ARB2A: variants seen among roughly 807,000 people sequenced by gnomAD.
ARB2A encodes cotranscriptional regulator ARB2A.
chr5:93,779,956 G>A, the ARB2A span, among the ~76,000 whole-genome samples: 1 of 152,068 alleles, frequency 6.6e-6, no homozygotes, highest in African/African-American at 2.4e-5. Context: ...TTCAGAGTAG[G>A]TTTGAAATAA....
chr5:94,025,318 A>G, the ARB2A span, among the ~76,000 whole-genome samples: 1 of 152,202 alleles, frequency 6.6e-6, no homozygotes, highest in African/African-American at 2.4e-5. Flanking sequence ...TGGCTAATGG[A>G]TGGCTGCCTT....
the ARB2A span, among the ~76,000 whole-genome samples, chr5:93,856,699 G>GT: frequency 6.6e-6 from 1 of 151,972 alleles, no homozygotes; most frequent in Non-Finnish European, 1.5e-5. Flanking sequence ...TTTTTTCAAA[G>GT]TTTTTAACTT....
the ARB2A span, among the ~76,000 whole-genome samples, chr5:93,844,086 T>C: frequency 7.3e-6 from 1 of 137,660 alleles, no homozygotes; most frequent in Non-Finnish European, 1.6e-5. Flanking sequence ...GACTTTTCAA[T>C]AGCAACAGAG....
At chr5:93,881,621 T>C in the ARB2A span, 4 of 1,607,142 alleles carry the variant, frequency 2.5e-6, no homozygotes, top group Non-Finnish European at 3.4e-6. Context: ...TGACTGTACG[T>C]GTATCTTCGG....
chr5:93,689,868 A>G, the ARB2A span, among the ~76,000 whole-genome samples: 17 of 151,864 alleles, frequency 1.1e-4, no homozygotes, highest in African/African-American at 4.1e-4. Context: ...AGCTTATCTC[A>G]CTGGAACTGG....
the ARB2A span, among the ~76,000 whole-genome samples, chr5:93,785,665 C>G: frequency 1.3e-5 from 2 of 152,170 alleles, no homozygotes; most frequent in Non-Finnish European, 2.9e-5. Context: ...ACCCAACTCA[C>G]TGTTAATGCT....
the ARB2A span, among the ~76,000 whole-genome samples, chr5:93,964,120 T>C: frequency 2.0e-5 from 3 of 152,024 alleles, no homozygotes; most frequent in Non-Finnish European, 4.4e-5. Flanking sequence ...TAACAAAAAC[T>C]GCACTGGTTT....
At chr5:93,682,553 T>C in the ARB2A span, among the ~76,000 whole-genome samples, 2 of 152,028 alleles carry the variant, frequency 1.3e-5, no homozygotes, top group East Asian at 3.8e-4. Flanking sequence ...ATTTCACATG[T>C]ATATTTTTGT....
chr5:94,078,018 A>G, the ARB2A span, among the ~76,000 whole-genome samples: 2 of 152,208 alleles, frequency 1.3e-5, no homozygotes, highest in African/African-American at 4.8e-5. Context: ...ACAGTAGAAT[A>G]CTTCTTATTT....
At chr5:93,758,176 C>T in the ARB2A span, among the ~76,000 whole-genome samples, 1 of 152,104 alleles carries the variant, frequency 6.6e-6, no homozygotes, top group Non-Finnish European at 1.5e-5. Flanking sequence ...GGTAAAAGGC[C>T]TTGTCCAACA....
At chr5:93,716,693 CAAAAAAA>C in the ARB2A span, among the ~76,000 whole-genome samples, 48 of 36,688 alleles carry the variant, frequency 1.3e-3, no homozygotes, top group Admixed American at 7.7e-3. Flanking sequence ...ATAAGCTGTG[CAAAAAAA>C]AAAAAAAAAA....
the ARB2A span, among the ~76,000 whole-genome samples, chr5:94,046,464 C>T: frequency 1.3e-4 from 20 of 152,076 alleles, no homozygotes; most frequent in African/African-American, 4.8e-4. Flanking sequence ...GGGGGGATAA[C>T]CTTGGAACTC....
chr5:94,083,657 A>C, the ARB2A span, among the ~76,000 whole-genome samples: 21 of 152,168 alleles, frequency 1.4e-4, no homozygotes, highest in Non-Finnish European at 2.5e-4. Flanking sequence ...CCACTTTACT[A>C]TTACCACTTC....
the ARB2A span, among the ~76,000 whole-genome samples, chr5:93,680,029 A>G: frequency 1.3e-5 from 2 of 152,124 alleles, no homozygotes; most frequent in Non-Finnish European, 2.9e-5. Flanking sequence ...ACAGTCCTTA[A>G]AAGTAAAGAC....
the ARB2A span, chr5:93,741,612 A>G: frequency 2.1e-6 from 3 of 1,451,960 alleles, no homozygotes; most frequent in South Asian, 4.4e-5. Context: ...ATGGCCCTCG[A>G]GGCTTCAGAA....
At chr5:93,966,561 G>A in the ARB2A span, among the ~76,000 whole-genome samples, 6 of 152,032 alleles carry the variant, frequency 3.9e-5, no homozygotes, top group Non-Finnish European at 2.9e-5. Context: ...GTAAGAGTTG[G>A]AGAAACACTA....
At chr5:93,971,032 A>T in the ARB2A span, among the ~76,000 whole-genome samples, 1 of 151,750 alleles carries the variant, frequency 6.6e-6, no homozygotes, top group Non-Finnish European at 1.5e-5. Flanking sequence ...GGAGTCTTGC[A>T]CAGTTGCCCA....
chr5:93,905,691 T>C, the ARB2A span, among the ~76,000 whole-genome samples: 371 of 151,660 alleles, frequency 2.4e-3, no homozygotes, highest in African/African-American at 8.4e-3. Context: ...TCAGTTATTA[T>C]GTTAACATTA....
At chr5:93,694,432 T>C in the ARB2A span, among the ~76,000 whole-genome samples, 5 of 152,126 alleles carry the variant, frequency 3.3e-5, no homozygotes, top group Admixed American at 3.3e-4. Flanking sequence ...TGAATTCCCA[T>C]TCACAATTGC....
Sources: gnomAD v4.1 joint callset for allele counts (sites outside exome capture counted in the v4.1 genomes callset) on GRCh38, gnomAD v4.1.1 for gene constraint, MANE v1.5 for transcripts, NCBI Gene and HGNC (gene_info 2026-07-23, HGNC 2026-07-21) for gene names.